CADM1: variants seen among roughly 807,000 people sequenced by gnomAD.
CADM1 encodes the protein cell adhesion molecule 1.
Under a neutral mutation model 53.1 loss-of-function variants are expected in CADM1, and 15 were observed. That is an observed-to-expected ratio of 0.28 (90% CI 0.19 to 0.44). CADM1 has a LOEUF of 0.44. CADM1 is among the 20% of genes least tolerant of loss of function. CADM1 has a pLI of 1.00. For missense variants in CADM1, 434 were observed against 611.3 expected (o/e 0.71, Z 3.06); for synonymous variants, 281 against 243.0 (o/e 1.16, Z -1.45).
At chr11:115,400,655 GTGTGTGTATATATATA>G (rs1176116933) in intron 1 of CADM1, among the ~76,000 whole-genome samples, 3 of 62,462 alleles carry the variant, frequency 4.8e-5, no homozygotes, top group African/African-American at 2.1e-4. Flanking sequence ...GTGTGTGTGT[GTGTGTGTATATATATA>G]TATATATATA....
intron 1 of CADM1, among the ~76,000 whole-genome samples, chr11:115,384,925 GATTTC>G (rs1185285643): frequency 6.6e-6 from 1 of 152,108 alleles, no homozygotes; most frequent in African/African-American, 2.4e-5. Context: ...AGAGTCTTTA[GATTTC>G]ATTTCATGTT....
chr11:115,188,613 C>A (rs533664221), intron 10 of CADM1, among the ~76,000 whole-genome samples: 39 of 152,290 alleles, frequency 2.6e-4, no homozygotes, highest in Middle Eastern at 3.4e-3. Flanking sequence ...GAGGAAATTT[C>A]TACCCTGATG....
At chr11:115,185,875 C>A (rs1405603514) in intron 10 of CADM1, among the ~76,000 whole-genome samples, 2 of 152,186 alleles carry the variant, frequency 1.3e-5, no homozygotes, top group Non-Finnish European at 2.9e-5. Context: ...TTCAGTGGAC[C>A]TCAGGCATTT....
At chr11:115,416,231 T>C (rs1356039084) in intron 1 of CADM1, among the ~76,000 whole-genome samples, 2 of 152,218 alleles carry the variant, frequency 1.3e-5, no homozygotes, top group African/African-American at 4.8e-5. Context: ...ATCAAAGACA[T>C]ATTTTTGTGA....
chr11:115,336,594 C>A (rs1347746592), intron 1 of CADM1, among the ~76,000 whole-genome samples: 1 of 152,038 alleles, frequency 6.6e-6, no homozygotes, highest in Non-Finnish European at 1.5e-5. Context: ...GGTTTCTACC[C>A]TTTCTGAAAA....
At chr11:115,178,613 C>T (rs574717426) in intron 11 of CADM1, 31 bp downstream of exon 11, 18 of 1,607,832 alleles carry the variant, frequency 1.1e-5, no homozygotes, top group South Asian at 1.1e-4. Flanking sequence ...TGTGGGGACA[C>T]GCTGCTTCTG....
intron 1 of CADM1, among the ~76,000 whole-genome samples, chr11:115,263,168 T>A (rs920306583): frequency 1.3e-5 from 2 of 152,252 alleles, no homozygotes; most frequent in East Asian, 3.9e-4. Context: ...GACATTAACC[T>A]TGATCCATCG....
chr11:115,350,509 CTTTTTTT>C (rs34913142), intron 1 of CADM1, among the ~76,000 whole-genome samples: 1 of 138,054 alleles, frequency 7.2e-6, no homozygotes, highest in Non-Finnish European at 1.5e-5. Flanking sequence ...TTCTTTTTTT[CTTTTTTT>C]TTTTTTTAAT....
At chr11:115,190,438 A>G (rs932835490) in intron 10 of CADM1, among the ~76,000 whole-genome samples, 1 of 151,840 alleles carries the variant, frequency 6.6e-6, no homozygotes, top group African/African-American at 2.4e-5. Flanking sequence ...GACTTCTAAG[A>G]TAACTACAAC....
At chr11:115,343,794 C>T (rs1478937013) in intron 1 of CADM1, among the ~76,000 whole-genome samples, 1 of 151,486 alleles carries the variant, frequency 6.6e-6, no homozygotes, top group African/African-American at 2.4e-5. Flanking sequence ...GAGTCTCAGG[C>T]CCAACCATGC....
intron 1 of CADM1, among the ~76,000 whole-genome samples, chr11:115,477,631 T>C (rs537114939): frequency 2.6e-5 from 4 of 152,236 alleles, no homozygotes; most frequent in African/African-American, 4.8e-5. Flanking sequence ...TCTGCTCCAC[T>C]CTGTGTGCTA....
chr11:115,198,091 G>A (rs143944528), intron 9 of CADM1, among the ~76,000 whole-genome samples: 15 of 152,240 alleles, frequency 9.9e-5, no homozygotes, highest in East Asian at 3.9e-4. Context: ...GCGAATACTC[G>A]TTTGTTTGAA....
intron 1 of CADM1, among the ~76,000 whole-genome samples, chr11:115,308,905 T>C (rs999135892): frequency 6.6e-6 from 1 of 151,986 alleles, no homozygotes; most frequent in Non-Finnish European, 1.5e-5. Flanking sequence ...AATGATGATT[T>C]ACCTCTCTTA....
chr11:115,468,367 T>C (rs1389266498), intron 1 of CADM1, among the ~76,000 whole-genome samples: 1 of 152,200 alleles, frequency 6.6e-6, no homozygotes, highest in African/African-American at 2.4e-5. Context: ...ATTTGAAGCC[T>C]TCTCCAAAAT....
At chr11:115,390,502 G>A (rs1015966515) in intron 1 of CADM1, among the ~76,000 whole-genome samples, 1 of 151,908 alleles carries the variant, frequency 6.6e-6, no homozygotes, top group African/African-American at 2.4e-5. Context: ...GAGAGACTGA[G>A]GCAGAGAAAG....
intron 1 of CADM1, among the ~76,000 whole-genome samples, chr11:115,415,763 G>A (rs1947579504): frequency 7.0e-6 from 1 of 143,056 alleles, no homozygotes; most frequent in African/African-American, 2.6e-5. Flanking sequence ...TTGAACCTGG[G>A]AGGCAGAGCT....
At chr11:115,187,921 T>A (rs913480197) in intron 10 of CADM1, among the ~76,000 whole-genome samples, 8 of 152,188 alleles carry the variant, frequency 5.3e-5, no homozygotes, top group African/African-American at 1.4e-4. Flanking sequence ...GTTTTCCAGA[T>A]CACTTTCTTG....
intron 1 of CADM1, among the ~76,000 whole-genome samples, chr11:115,241,139 G>A (rs937274879): frequency 6.6e-6 from 1 of 151,814 alleles, no homozygotes; most frequent in Admixed American, 6.6e-5. Flanking sequence ...TCAAAAAGTC[G>A]AGGCTTTCAG....
intron 1 of CADM1, among the ~76,000 whole-genome samples, chr11:115,332,350 GATCT>G (rs1945153622): frequency 6.6e-6 from 1 of 152,192 alleles, no homozygotes; most frequent in Non-Finnish European, 1.5e-5. Context: ...AAGTGGAGCA[GATCT>G]ATTAGGTGTG....
Sources: gnomAD v4.1 joint callset for allele counts (sites outside exome capture counted in the v4.1 genomes callset) on GRCh38, gnomAD v4.1.1 for gene constraint, MANE v1.5 for transcripts, NCBI Gene and HGNC (gene_info 2026-07-23, HGNC 2026-07-21) for gene names.